Variants in MTOR observed in about 807,000 individuals in gnomAD.
The protein encoded by MTOR is serine/threonine-protein kinase mTOR.
A neutral mutation model predicts 319.8 loss-of-function variants in MTOR; 70 were observed. That is an observed-to-expected ratio of 0.22 (90% CI 0.18 to 0.27). MTOR has a LOEUF of 0.27. Among genes scored for constraint, MTOR ranks in the 10% least tolerant of loss-of-function variants. The probability of loss-of-function intolerance (pLI) is 1.00; values close to 1 mark genes in which losing one functional copy is unlikely to be tolerated. For missense variants in MTOR, 1,890 were observed against 3,274.4 expected (o/e 0.58, Z 10.32); for synonymous variants, 1,183 against 1,211.4 (o/e 0.98, Z 0.49).
At chr1:11,185,638 G>A (rs1275051540) in intron 28 of MTOR, among the ~76,000 whole-genome samples, 1 of 152,036 alleles carries the variant, frequency 6.6e-6, no homozygotes, top group Non-Finnish European at 1.5e-5. Flanking sequence ...AGGACTCTAA[G>A]AGAAGGCCTG....
At chr1:11,155,037 AC>A (rs1644274472) in intron 30 of MTOR, among the ~76,000 whole-genome samples, 2 of 152,228 alleles carry the variant, frequency 1.3e-5, no homozygotes, top group Admixed American at 1.3e-4. Flanking sequence ...AGTCTCAGCT[AC>A]AAGGGAGGCT....
rs1641591798 is a variant in MTOR, at chr1:11,106,639, T to C, written c.*846A>G. The stretch of plus-strand genomic sequence containing the variant: ...ATACTTTGTGCATTTAGTTGAGTAT[T>C]TGTTCTGCTCATAATTTCCAATATG... On this transcript the variant is annotated 3_prime_UTR_variant, in exon 58 of 58. Transcript: ENST00000361445. 1.8e-6 allele frequency: 2 copies of C among 1,100,234 alleles called. No homozygotes were observed. Among genetic ancestry groups the C allele is most frequent in the Admixed American group, 4.6e-5 (1 of 21,830 alleles). The allele number at this position is 1,100,234 out of a possible 1,614,324, so 68.2% of individuals were successfully genotyped here.
intron 28 of MTOR, chr1:11,189,536 G>A: frequency 6.5e-7 from 1 of 1,541,486 alleles, no homozygotes; most frequent in Admixed American, 2.0e-5. Flanking sequence ...GGCATCTCCA[G>A]ACTCCCCTGA....
chr1:11,112,851 C>G lies in MTOR; in HGVS notation c.7366+1G>C. 6.2e-7 allele frequency: 1 copy of G among 1,614,234 alleles called. No homozygotes were observed. The highest frequency in any genetic ancestry group is 8.5e-7 in the Non-Finnish European group (1 of 1,180,046). On this transcript the variant is annotated splice_donor_variant, in intron 54 of 57. Coordinates refer to ENST00000361445, the MANE Select transcript of MTOR (RefSeq NM_004958.4). LOFTEE classifies it high-confidence loss of function. ...TTGCGACCTCCCGTGGATGCACCTA[C>G]CGACTGACTGGCCAGCAGAGTAGGA... is the stretch of plus-strand genomic sequence containing the variant.
rs754310569 is a variant in MTOR at position 11,232,439 on chromosome 1, C to T, written c.2511G>A (p.Arg837=). 2.8e-5 allele frequency: 45 copies of T among 1,613,242 alleles called. No individual in the cohort carries two copies. The highest frequency in any genetic ancestry group is 3.0e-5 in the Non-Finnish European group (35 of 1,179,386). ...ATCAGGAAGCAGTAATACTCACCTG[C>T]CTTTTGGCCAACAAAGAGGAATCCT... ...MLQDSSLLAK[R]QVALWTLGQL... is the part of the protein sequence containing the mutation. Residue 837 remains arginine, a synonymous_variant, in exon 16 of 58, where the codon AGG becomes AGA. Transcript: ENST00000361445.
chr1:11,119,983 A>T (rs1046634289), intron 49 of MTOR, among the ~76,000 whole-genome samples: 58 of 150,638 alleles, frequency 3.9e-4, no homozygotes, highest in Admixed American at 6.6e-4. Context: ...TAATCCCAGC[A>T]CTTTAGGAGG....
chr1:11,141,927 G>A (rs1643728765), intron 34 of MTOR, among the ~76,000 whole-genome samples: 1 of 151,546 alleles, frequency 6.6e-6, no homozygotes, highest in Admixed American at 6.6e-5. Flanking sequence ...CGTGAACTTG[G>A]GAGGCGGAGC....
chr1:11,247,126 A>G (rs557268863), intron 8 of MTOR, among the ~76,000 whole-genome samples: 1 of 152,188 alleles, frequency 6.6e-6, no homozygotes, highest in South Asian at 2.1e-4. Flanking sequence ...CTATGATGGA[A>G]GAAGGCAAGG....
At chr1:11,241,942 T>C (rs921861032) in intron 9 of MTOR, among the ~76,000 whole-genome samples, 4 of 152,152 alleles carry the variant, frequency 2.6e-5, no homozygotes, top group African/African-American at 7.2e-5. Context: ...AGCTATACCA[T>C]ATGGGTTATT....
intron 15 of MTOR, chr1:11,232,860 A>C: frequency 1.9e-6 from 1 of 523,760 alleles, no homozygotes. Context: ...GGACAAAGTG[A>C]AACTGTCTCA....
chr1:11,149,509 T>C (rs1368637670), intron 31 of MTOR: 1 of 152,316 alleles, frequency 6.6e-6, no homozygotes, highest in Non-Finnish European at 1.5e-5. Flanking sequence ...TTCACCTCTA[T>C]CTTTTATAAT....
At chr1:11,189,527 G>T in intron 28 of MTOR, 1 of 1,530,158 alleles carries the variant, frequency 6.5e-7, no homozygotes, top group Non-Finnish European at 8.7e-7. Context: ...CCTCAGCTGG[G>T]CATCTCCAGA....
intron 14 of MTOR, 37 bp downstream of exon 14, chr1:11,234,106 C>T (rs777683973): frequency 4.6e-5 from 74 of 1,613,642 alleles, no homozygotes; most frequent in African/African-American, 8.0e-5. Context: ...CTGATGACAA[C>T]GCACAGAGAA....
At chr1:11,254,570 C>T (rs1055850024) in intron 5 of MTOR, among the ~76,000 whole-genome samples, 7 of 147,972 alleles carry the variant, frequency 4.7e-5, no homozygotes, top group Non-Finnish European at 9.0e-5. Context: ...GACTGGAACC[C>T]GCATCTCCCA....
At chr1:11,240,280 C>T (rs1433856542) in intron 11 of MTOR, 23 bp downstream of exon 11, 2 of 1,532,096 alleles carry the variant, frequency 1.3e-6, no homozygotes, top group Non-Finnish European at 1.8e-6. Flanking sequence ...ACTATCTTGG[C>T]AAGAGCCGTT....
Position 11,238,475 on chromosome 1 carries a change from C to G in MTOR, c.1929G>C (p.Val643=). 3.7e-6 allele frequency: 6 copies of G among 1,614,216 alleles called. No homozygotes were observed. Among genetic ancestry groups the G allele is most frequent in the Non-Finnish European group, 5.1e-6 (6 of 1,180,036 alleles). ...SIHLISGHAH[V]VSQTAVQVVA... Reference sequence around the variant, plus strand: ...CCACTTGCACTGCGGTCTGGCTAACCACATGAGCATGGCCACTGATGAGGT... The same window carrying G: ...CCACTTGCACTGCGGTCTGGCTAACGACATGAGCATGGCCACTGATGAGGT... Residue 643 remains valine (V), a synonymous_variant, in exon 12 of 58, where the codon GTG becomes GTC. Coordinates refer to ENST00000361445, the MANE Select transcript of MTOR (RefSeq NM_004958.4).
intron 30 of MTOR, among the ~76,000 whole-genome samples, chr1:11,151,280 G>T (rs570359370): frequency 1.3e-5 from 2 of 152,250 alleles, no homozygotes; most frequent in African/African-American, 4.8e-5. Flanking sequence ...TAACTTTGTT[G>T]TCTCTCTGGC....
intron 28 of MTOR, among the ~76,000 whole-genome samples, chr1:11,169,044 T>C (rs903360827): frequency 6.6e-6 from 1 of 152,242 alleles, no homozygotes; most frequent in African/African-American, 2.4e-5. Context: ...AACTGTCTGC[T>C]TGACCAGAAT....
chr1:11,223,355 G>T (rs1646729616), intron 19 of MTOR, among the ~76,000 whole-genome samples: 1 of 152,072 alleles, frequency 6.6e-6, no homozygotes, highest in Non-Finnish European at 1.5e-5. Flanking sequence ...AGAAATGATT[G>T]TTAGCTTTGT....
Sources: allele counts gnomAD v4.1 joint callset (sites outside exome capture counted in the v4.1 genomes callset), GRCh38; gene constraint gnomAD v4.1.1; transcripts MANE v1.5; gene names NCBI Gene and HGNC (gene_info 2026-07-23, HGNC 2026-07-21).